The following COG4 variants were observed in gnomAD, a reference collection of about 807,000 sequenced individuals.
The protein encoded by COG4 is conserved oligomeric Golgi complex subunit 4.
Under a neutral mutation model 95.1 loss-of-function variants are expected in COG4, and 65 were observed. The observed-to-expected ratio is 0.68, with a 90% CI of 0.56 to 0.84. The LOEUF is 0.84. Among genes scored for constraint, COG4 ranks in the 40% least tolerant of loss-of-function variants. The probability of loss-of-function intolerance (pLI) is 0.00; values close to 1 mark genes in which losing one functional copy is unlikely to be tolerated. For missense variants in COG4, 1,045 were observed against 989.1 expected, an observed-to-expected ratio of 1.06 and a Z score of -0.76; for synonymous variants, 421 against 374.8, an observed-to-expected ratio of 1.12 and a Z score of -1.42.
chr16:70,501,759 C>A (rs531615904), intron 8 of COG4, among the ~76,000 whole-genome samples: 1 of 152,146 alleles, frequency 6.6e-6, no homozygotes, highest in South Asian at 2.1e-4. Context: ...TGAAGTGAGT[C>A]TCATGCCTTG....
At chr16:70,486,694 T>C (rs963921154) in intron 13 of COG4, among the ~76,000 whole-genome samples, 1 of 152,166 alleles carries the variant, frequency 6.6e-6, no homozygotes, top group Non-Finnish European at 1.5e-5. Context: ...TAAAGTGCCA[T>C]GACTTACAAA....
intron 13 of COG4, among the ~76,000 whole-genome samples, chr16:70,485,329 G>A (rs1304753349): frequency 1.3e-5 from 2 of 150,050 alleles, no homozygotes; most frequent in African/African-American, 4.9e-5. Context: ...TCAGCCTCCC[G>A]AGTAGCTGGG....
At chr16:70,515,314 G>A (rs1048175216) in intron 3 of COG4, among the ~76,000 whole-genome samples, 10 of 152,210 alleles carry the variant, frequency 6.6e-5, no homozygotes, top group Non-Finnish European at 1.2e-4. Context: ...AAGCCAGCAC[G>A]CCTGGCCTAC....
chr16:70,509,284 G>A lies in COG4; in HGVS notation c.949C>T (p.Gln317Ter), dbSNP rs2049647889. The A allele has an allele frequency of 6.2e-7, 1 of 1,613,986 alleles. No homozygotes were observed. The highest frequency in any genetic ancestry group is 1.3e-5 in the African/African-American group (1 of 74,886). Residue 317 changes from glutamine (Q) to a stop codon, truncating the protein, a stop_gained, in exon 7 of 19, where the codon CAG (glutamine) becomes TAG (stop). Coordinates refer to ENST00000323786, the MANE Select transcript of COG4 (RefSeq NM_015386.3). LOFTEE classifies it high-confidence loss of function. ...AACTTGTCTACCACCTTCTCCACCT[G>A]TCTGTCACATTCCACCTGCAGATAT... ...IKYLQVECDR[Q>*]VEKVVDKFIK...
intron 9 of COG4, among the ~76,000 whole-genome samples, chr16:70,499,817 G>A (rs1355933334): frequency 6.6e-6 from 1 of 151,864 alleles, no homozygotes; most frequent in East Asian, 1.9e-4. Context: ...CCGCCACCAC[G>A]CCCGGCTAAT....
intron 3 of COG4, among the ~76,000 whole-genome samples, chr16:70,517,183 G>C (rs1431219737): frequency 6.6e-6 from 1 of 152,064 alleles, no homozygotes; most frequent in Non-Finnish European, 1.5e-5. Flanking sequence ...GTAGGTGTTA[G>C]TCACCACGCA....
At chr16:70,521,543 G>A (rs1324811072) in intron 1 of COG4, among the ~76,000 whole-genome samples, 6 of 151,982 alleles carry the variant, frequency 3.9e-5, no homozygotes, top group Admixed American at 2.6e-4. Flanking sequence ...TATTAAAATC[G>A]TTCTGTAGGT....
At chr16:70,491,921 CA>C (rs2049253475) in intron 12 of COG4, among the ~76,000 whole-genome samples, 1 of 151,714 alleles carries the variant, frequency 6.6e-6, no homozygotes, top group Non-Finnish European at 1.5e-5. Context: ...GTGCCAGGCA[CA>C]GTTCTAGGCA....
At position 70,497,362 on chromosome 16, in the gene COG4, T is replaced by C; in HGVS notation, c.1340A>G (p.Lys447Arg). 1 of 1,613,734 alleles carries C rather than the reference T, an allele frequency of 6.2e-7. No homozygotes were observed. The highest frequency in any genetic ancestry group is 8.5e-7 in the Non-Finnish European group (1 of 1,180,028). The change falls in exon 11 of 19, where the codon AAG becomes AGG. Residue 447 changes from lysine (K) to arginine (R), a missense_variant. By Grantham distance (26) the Lys-to-Arg change is conservative. Coordinates refer to ENST00000323786, the MANE Select transcript of COG4 (RefSeq NM_015386.3). The stretch of plus-strand genomic sequence containing the variant: ...CACCATGCTGGATGTCAGCTGGCCC[T>C]TCTCATAGGTGTCCAGAGCCACAGC... ...NKAVALDTYEKGQLTSSMVDD... is the reference protein window; with the variant it reads ...NKAVALDTYERGQLTSSMVDD...
rs1369681442 is a variant in COG4, at chr16:70,523,432, G to T, written c.112C>A (p.Arg38Ser). 6.2e-7 allele frequency: 1 copy of T among 1,613,946 alleles called. No individual in the cohort carries two copies. Among genetic ancestry groups the T allele is most frequent in the African/African-American group, 1.3e-5 (1 of 74,900 alleles). The change falls in exon 1 of 19, where the codon CGC becomes AGC. Residue 38 changes from arginine to serine, a missense_variant. Arg to Ser is a moderately radical substitution (Grantham distance 110). Coordinates refer to ENST00000323786, the MANE Select transcript of COG4 (RefSeq NM_015386.3). ...AGCTCCTGCAGCTCTGTCAGGGAGC[G>T]AATGAGCTCAGCGGAGATTTCGGAG... ...RCSEISAELI[R>S]SLTELQELEA...
In COG4 at chr16:70,523,527, G is replaced by C; in HGVS notation, c.17C>G (p.Ala6Gly). The C allele has an allele frequency of 6.2e-7, 1 of 1,613,820 alleles. No individual in the cohort carries two copies. The highest frequency in any genetic ancestry group is 8.5e-7 in the Non-Finnish European group (1 of 1,180,016). ...CAGCTTCGGAGGCGAATCAAGGTCC[G>C]CCATCTTGGTCCCCATTCGGCACTT... MGTKM[A>G]DLDSPPKLSG... The change falls in exon 1 of 19, where the codon GCG (alanine) becomes GGG (glycine). Residue 6 changes from alanine (A) to glycine (G), a missense_variant. Physicochemically the swap from Ala to Gly is moderately conservative, Grantham distance 60. Transcript: ENST00000323786.
At chr16:70,497,461 G>A in intron 10 of COG4, 74 bp from the exon 11 acceptor site, 2 of 1,443,838 alleles carry the variant, frequency 1.4e-6, no homozygotes, top group Non-Finnish European at 1.9e-6. Context: ...TGGGTACACT[G>A]GCCCTAGCTC....
At position 70,519,855 on chromosome 16, in the gene COG4, C is replaced by A. The variant is rs928571964; in HGVS notation, c.172-124G>T. On this transcript the variant is annotated intron_variant, in intron 1 of 18. Coordinates refer to ENST00000323786, the MANE Select transcript of COG4 (RefSeq NM_015386.3). ...AGTCCTTTTTTCCTTCCACTATGTT[C>A]TCCTTAGACTTTAACAATGCTTCAT... The A allele has an allele frequency of 1.8e-5, 13 of 737,548 alleles. No homozygotes were observed. In the African/African-American group the frequency reaches 2.2e-4, roughly 13 times the overall value. 45.7% of individuals were successfully genotyped at this position (737,548 alleles called of 1,614,324 possible).
intron 13 of COG4, among the ~76,000 whole-genome samples, chr16:70,488,844 C>G (rs951882190): frequency 1.3e-5 from 2 of 152,234 alleles, no homozygotes; most frequent in Non-Finnish European, 2.9e-5. Context: ...AGCCACCACA[C>G]CCGGCCCAGC....
intron 5 of COG4, among the ~76,000 whole-genome samples, chr16:70,510,301 T>C (rs2049674156): frequency 6.6e-6 from 1 of 152,132 alleles, no homozygotes; most frequent in South Asian, 2.1e-4. Flanking sequence ...GTTTCAACAA[T>C]CTTCTCAAAG....
intron 12 of COG4, among the ~76,000 whole-genome samples, chr16:70,493,802 G>A (rs1293239699): frequency 6.6e-6 from 1 of 152,078 alleles, no homozygotes; most frequent in African/African-American, 2.4e-5. Context: ...TGTGGTTCAG[G>A]AATACTCATC....
At chr16:70,500,923 T>C in intron 9 of COG4, 35 bp downstream of exon 9, 1 of 1,613,576 alleles carries the variant, frequency 6.2e-7, no homozygotes, top group Admixed American at 1.7e-5. Context: ...CAATTATACC[T>C]CAACCCTCCC....
intron 5 of COG4, 86 bp from the exon 6 acceptor site, chr16:70,510,107 T>C: frequency 8.8e-7 from 1 of 1,130,014 alleles, no homozygotes; most frequent in Non-Finnish European, 1.3e-6. Context: ...ATCCTCCCAT[T>C]GACTTTCTTT....
At position 70,521,416 on chromosome 16, in the gene COG4, T is replaced by G. The variant is rs34372559; in HGVS notation, c.172-1685A>C. On this transcript the variant is annotated intron_variant, in intron 1 of 18. Transcript: ENST00000323786. Reference sequence around the variant, plus strand: ...CATTTTTAGTAGAGACTAACATGGTTTCGCCACGTTGGCCAGGTTGGTCTC... The same window carrying G: ...CATTTTTAGTAGAGACTAACATGGTGTCGCCACGTTGGCCAGGTTGGTCTC... 2.9e-3 allele frequency among the ~76,000 whole-genome samples: 442 copies of G among 152,086 alleles called. 2 individuals are homozygous for G. Among genetic ancestry groups the G allele is most frequent in the Middle Eastern group, 6.8e-3 (2 of 294 alleles).
Sources: gnomAD v4.1 joint callset for allele counts (sites outside exome capture counted in the v4.1 genomes callset) on GRCh38, gnomAD v4.1.1 for gene constraint, MANE v1.5 for transcripts, NCBI Gene and HGNC (gene_info 2026-07-23, HGNC 2026-07-21) for gene names.